FAM114A1: variants seen among roughly 807,000 people sequenced by gnomAD.
FAM114A1 encodes family with sequence similarity 114 member A1, also known as protein NOXP20.
FAM114A1 carries 62 observed loss-of-function variants against 64.3 expected under a neutral mutation model. The observed-to-expected ratio is 0.96, with a 90% CI of 0.79 to 1.19. FAM114A1 has a LOEUF of 1.19. FAM114A1 is among the 50% of genes most tolerant of loss of function. The pLI, the probability that FAM114A1 is intolerant of heterozygous loss-of-function variation, is 0.00. For missense variants in FAM114A1, 645 were observed against 676.3 expected (o/e 0.95, Z 0.51); for synonymous variants, 254 against 251.1 (o/e 1.01, Z -0.11).
At chr4:38,870,618 A>G (rs1032774839) in intron 2 of FAM114A1, among the ~76,000 whole-genome samples, 3 of 152,156 alleles carry the variant, frequency 2.0e-5, no homozygotes, top group Admixed American at 2.0e-4. Flanking sequence ...AGTTTCCTGA[A>G]GCAGCCTCCT....
chr4:38,929,855 T>C (rs1468457909), intron 10 of FAM114A1, among the ~76,000 whole-genome samples: 1 of 152,196 alleles, frequency 6.6e-6, no homozygotes, highest in Non-Finnish European at 1.5e-5. Context: ...CATGCTAGAC[T>C]GTGTCATGAG....
intron 13 of FAM114A1, among the ~76,000 whole-genome samples, chr4:38,937,520 T>G (rs1040908005): frequency 5.3e-5 from 8 of 152,170 alleles, no homozygotes; most frequent in Non-Finnish European, 1.5e-5. Flanking sequence ...TCATCCTAAC[T>G]TATCACACCA....
intron 3 of FAM114A1, among the ~76,000 whole-genome samples, chr4:38,880,115 GAAT>G (rs766548986): frequency 0.024 from 1,979 of 80,846 alleles, 38 homozygotes; most frequent in Non-Finnish European, 0.031. Flanking sequence ...GAGTAGAATA[GAAT>G]AGAATAGAAT....
intron 10 of FAM114A1, 101 bp from the exon 11 acceptor site, chr4:38,931,350 T>G: frequency 7.3e-7 from 1 of 1,376,404 alleles, no homozygotes; most frequent in Non-Finnish European, 9.7e-7. Context: ...AGAGATCCAT[T>G]CTTGAAGGCT....
At chr4:38,879,785 G>T (rs1477302975) in intron 3 of FAM114A1, among the ~76,000 whole-genome samples, 1 of 152,104 alleles carries the variant, frequency 6.6e-6, no homozygotes, top group Non-Finnish European at 1.5e-5. Context: ...ATCCATAGAT[G>T]CCCTAAATAA....
chr4:38,922,658 A>T, intron 8 of FAM114A1, 112 bp from the exon 9 acceptor site: 1 of 1,365,594 alleles, frequency 7.3e-7, no homozygotes, highest in Non-Finnish European at 9.8e-7. Flanking sequence ...ACCCAGCGAT[A>T]CCTCCCACAC....
rs915036100 is a variant in FAM114A1 at position 38,927,047 on chromosome 4, G to A, written c.1070-2195G>A. Among the ~76,000 whole-genome samples the A allele has an allele frequency of 1.1e-4, 17 of 152,272 alleles. No homozygotes were observed. The East Asian group carries it at 3.1e-3, about 28-fold the overall frequency. ...ACCTGCCTCACTCTGCTGCAGCCAC[G>A]CTGACGTCCTTGCTGCTCCCATGGA... On this transcript the variant is annotated intron_variant, in intron 9 of 14. Coordinates refer to ENST00000358869, the MANE Select transcript of FAM114A1 (RefSeq NM_138389.4).
At chr4:38,893,701 G>T (rs1435864717) in intron 4 of FAM114A1, among the ~76,000 whole-genome samples, 5 of 152,194 alleles carry the variant, frequency 3.3e-5, no homozygotes, top group Admixed American at 6.5e-5. Flanking sequence ...TCCATGAACT[G>T]ACAGCTCTCC....
intron 2 of FAM114A1, among the ~76,000 whole-genome samples, chr4:38,874,807 G>C (rs1383394933): frequency 6.6e-6 from 1 of 152,076 alleles, no homozygotes; most frequent in African/African-American, 2.4e-5. Flanking sequence ...ATAGTTTTGG[G>C]TTTTACATTT....
At chr4:38,896,989 G>C (rs923985932) in intron 4 of FAM114A1, among the ~76,000 whole-genome samples, 1 of 152,170 alleles carries the variant, frequency 6.6e-6, no homozygotes, top group African/African-American at 2.4e-5. Context: ...TTGAGCACTA[G>C]AAATGGAAAC....
At position 38,914,947 on chromosome 4, in the gene FAM114A1, G is replaced by C; in HGVS notation, c.819G>C (p.Glu273Asp). The C allele has an allele frequency of 6.2e-7, 1 of 1,614,116 alleles. No individual in the cohort carries two copies. Among genetic ancestry groups the C allele is most frequent in the Non-Finnish European group, 8.5e-7 (1 of 1,180,006 alleles). Reference sequence around the variant, plus strand: ...TGTTAAGGGAAGCTAAGGAGAAGGAGAAGCAGAGACTGGCACAGCAGCTCA... The same window carrying C: ...TGTTAAGGGAAGCTAAGGAGAAGGACAAGCAGAGACTGGCACAGCAGCTCA... ...SQMLREAKEK[E>D]KQRLAQQLTM... is the part of the protein sequence containing the mutation. The change falls in exon 8 of 15, where the codon GAG (glutamate) becomes GAC (aspartate). Residue 273 changes from glutamate (E) to aspartate (D), a missense_variant. Coordinates refer to ENST00000358869, the MANE Select transcript of FAM114A1 (RefSeq NM_138389.4).
At chr4:38,870,961 A>AT (rs1386774604) in intron 2 of FAM114A1, among the ~76,000 whole-genome samples, 1 of 151,908 alleles carries the variant, frequency 6.6e-6, no homozygotes, top group Admixed American at 6.6e-5. Context: ...ACAAAAAATA[A>AT]TTTTTTTTCG....
intron 3 of FAM114A1, among the ~76,000 whole-genome samples, chr4:38,884,442 C>T (rs1328962273): frequency 1.3e-5 from 2 of 152,222 alleles, no homozygotes; most frequent in African/African-American, 2.4e-5. Flanking sequence ...CAGGTGTTAA[C>T]ATATAAATAA....
intron 4 of FAM114A1, among the ~76,000 whole-genome samples, chr4:38,902,983 TCATA>T (rs1431593109): frequency 6.6e-6 from 1 of 152,148 alleles, no homozygotes; most frequent in African/African-American, 2.4e-5. Flanking sequence ...AAATTATAGC[TCATA>T]CATAAATATA....
At chr4:38,920,588 A>G (rs1177152680) in intron 8 of FAM114A1, among the ~76,000 whole-genome samples, 6 of 152,228 alleles carry the variant, frequency 3.9e-5, no homozygotes, top group Non-Finnish European at 8.8e-5. Flanking sequence ...GGAAAACCCC[A>G]ATGCTCTCCC....
chr4:38,932,628 T>C (rs35374509), intron 12 of FAM114A1, among the ~76,000 whole-genome samples: 63,600 of 151,388 alleles, frequency 0.42, 14,409 homozygotes, highest in Middle Eastern at 0.66. Flanking sequence ...TCCCCTGGAG[T>C]TGGGACCACA....
chr4:38,921,149 A>G (rs1294900186), intron 8 of FAM114A1, among the ~76,000 whole-genome samples: 4 of 152,228 alleles, frequency 2.6e-5, no homozygotes, highest in Non-Finnish European at 5.9e-5. Flanking sequence ...CTGCAGAATG[A>G]AAAAATAAAA....
intron 12 of FAM114A1, among the ~76,000 whole-genome samples, chr4:38,932,837 G>A (rs976742844): frequency 1.3e-5 from 2 of 151,170 alleles, no homozygotes; most frequent in Non-Finnish European, 2.9e-5. Context: ...ATTGTTCTAC[G>A]GTCATCTTAA....
At chr4:38,873,661 G>A (rs570875778) in intron 2 of FAM114A1, among the ~76,000 whole-genome samples, 14 of 152,300 alleles carry the variant, frequency 9.2e-5, no homozygotes, top group African/African-American at 3.4e-4. Flanking sequence ...TTTTAACTGG[G>A]TCTTCAATGT....
Sources: allele counts gnomAD v4.1 joint callset (sites outside exome capture counted in the v4.1 genomes callset), GRCh38; gene constraint gnomAD v4.1.1; transcripts MANE v1.5; gene names NCBI Gene and HGNC (gene_info 2026-07-23, HGNC 2026-07-21).